Variants in CNTN5 observed in about 807,000 individuals in gnomAD.
The protein encoded by CNTN5 is contactin-5.
CNTN5 carries 77 observed loss-of-function variants against 129.1 expected under a neutral mutation model. The ratio of observed to expected loss-of-function variants is 0.60; its 90% CI spans 0.50 to 0.72. CNTN5 has a LOEUF of 0.72. Among genes scored for constraint, CNTN5 ranks in the 30% least tolerant of loss-of-function variants. The probability of loss-of-function intolerance (pLI) is 0.00; values close to 1 mark genes in which losing one functional copy is unlikely to be tolerated. For missense variants in CNTN5, 1,478 were observed against 1,328.8 expected, an observed-to-expected ratio of 1.11 and a Z score of -1.75; for synonymous variants, 509 against 465.6, an observed-to-expected ratio of 1.09 and a Z score of -1.20.
At chr11:100,003,303 G>A (rs1049702369) in intron 9 of CNTN5, among the ~76,000 whole-genome samples, 1 of 152,128 alleles carries the variant, frequency 6.6e-6, no homozygotes, top group African/African-American at 2.4e-5. Context: ...GCAGATATCT[G>A]AGGAAGCCTC....
At chr11:99,313,759 A>G (rs1334347958) in intron 1 of CNTN5, among the ~76,000 whole-genome samples, 1 of 152,108 alleles carries the variant, frequency 6.6e-6, no homozygotes, top group Non-Finnish European at 1.5e-5. Flanking sequence ...CTGTGTCTAT[A>G]ATAATCAAAA....
intron 9 of CNTN5, among the ~76,000 whole-genome samples, chr11:100,037,611 C>T (rs1202272159): frequency 1.3e-5 from 2 of 151,986 alleles, no homozygotes; most frequent in African/African-American, 4.8e-5. Flanking sequence ...ACTCTTTTTG[C>T]TTGGTAAACT....
chr11:99,046,246 C>T (rs1864202035), intron 1 of CNTN5, among the ~76,000 whole-genome samples: 1 of 151,868 alleles, frequency 6.6e-6, no homozygotes, highest in South Asian at 2.1e-4. Context: ...AGGCTGATGC[C>T]TGAGAATCGC....
rs968979482 is a variant in CNTN5 at position 99,580,464 on chromosome 11, CT to C, written c.55+24202del. 3.3e-5 allele frequency among the ~76,000 whole-genome samples: 5 copies of C among 152,024 alleles called. 1 individual carries two copies. The highest frequency in any genetic ancestry group is 2.6e-4 in the Admixed American group (4 of 15,262). On this transcript the variant is annotated intron_variant, in intron 3 of 24. Coordinates refer to ENST00000524871, the MANE Select transcript of CNTN5 (RefSeq NM_014361.4). ...GACTGTGAATCCATCTGGTCCTGGACTTTTTTTGGTTGGTAATCTATTAATT... is the reference window on the plus strand; with the variant it reads ...GACTGTGAATCCATCTGGTCCTGGACTTTTTTGGTTGGTAATCTATTAATT...
chr11:99,740,030 C>T (rs1943839567), intron 3 of CNTN5, among the ~76,000 whole-genome samples: 1 of 147,992 alleles, frequency 6.8e-6, no homozygotes, highest in South Asian at 2.2e-4. Context: ...TCTTCGATCT[C>T]AAAACATTAT....
At chr11:100,048,289 A>G (rs1942791200) in intron 9 of CNTN5, among the ~76,000 whole-genome samples, 1 of 133,174 alleles carries the variant, frequency 7.5e-6, no homozygotes, top group Non-Finnish European at 1.6e-5. Flanking sequence ...AACTTCAAAT[A>G]AAGTTACATC....
At chr11:99,470,982 A>G (rs1300731358) in intron 2 of CNTN5, among the ~76,000 whole-genome samples, 1 of 152,064 alleles carries the variant, frequency 6.6e-6, no homozygotes, top group East Asian at 1.9e-4. Flanking sequence ...CATCCCCAAA[A>G]TAACTGTCAT....
At chr11:99,529,000 G>A (rs1250216662) in intron 2 of CNTN5, among the ~76,000 whole-genome samples, 1 of 152,146 alleles carries the variant, frequency 6.6e-6, no homozygotes, top group East Asian at 1.9e-4. Context: ...GCTTGAACCT[G>A]GGAGGCAGAG....
At chr11:99,467,274 A>C (rs1330981934) in intron 2 of CNTN5, among the ~76,000 whole-genome samples, 1 of 152,000 alleles carries the variant, frequency 6.6e-6, no homozygotes. Context: ...TTACCTGTTA[A>C]AATGTGATGA....
chr11:99,858,052 A>G (rs993482466), intron 6 of CNTN5, among the ~76,000 whole-genome samples: 63 of 152,266 alleles, frequency 4.1e-4, no homozygotes, highest in African/African-American at 1.5e-3. Context: ...CAGCAAAAAA[A>G]AAGTTACCTC....
chr11:99,812,729 T>G (rs767061083), intron 3 of CNTN5, among the ~76,000 whole-genome samples: 11 of 152,094 alleles, frequency 7.2e-5, no homozygotes, highest in Admixed American at 7.2e-4. Context: ...AGAGCTAATC[T>G]CACCCAAAAA....
At chr11:99,784,975 A>G (rs940164818) in intron 3 of CNTN5, among the ~76,000 whole-genome samples, 1 of 151,360 alleles carries the variant, frequency 6.6e-6, no homozygotes, top group Non-Finnish European at 1.5e-5. Flanking sequence ...AATTTTTTGT[A>G]TTTTTAGTAG....
intron 16 of CNTN5, among the ~76,000 whole-genome samples, chr11:100,240,219 A>ACCCCCCCCCCCCCCCCCCCC (rs1468030423): frequency 6.7e-6 from 1 of 149,702 alleles, no homozygotes; most frequent in African/African-American, 2.5e-5. Flanking sequence ...AATTATCAAC[A>ACCCCCCCCCCCCCCCCCCCC]CCCCGCCCCA....
At chr11:99,702,300 A>G (rs919719653) in intron 3 of CNTN5, among the ~76,000 whole-genome samples, 1 of 150,982 alleles carries the variant, frequency 6.6e-6, no homozygotes, top group Non-Finnish European at 1.5e-5. Context: ...AAAAATTTGG[A>G]CATATGAAGT....
intron 3 of CNTN5, among the ~76,000 whole-genome samples, chr11:99,679,290 A>G (rs907477638): frequency 6.6e-6 from 1 of 151,404 alleles, no homozygotes; most frequent in Admixed American, 6.6e-5. Context: ...GCCTCATTTT[A>G]TCGCACTCTG....
intron 3 of CNTN5, among the ~76,000 whole-genome samples, chr11:99,582,628 G>A (rs1488474256): frequency 6.6e-6 from 1 of 152,074 alleles, no homozygotes; most frequent in South Asian, 2.1e-4. Context: ...CGGTTACTGA[G>A]GCTTGTGCAT....
intron 4 of CNTN5, among the ~76,000 whole-genome samples, chr11:99,836,386 T>C (rs1165673851): frequency 2.0e-5 from 3 of 148,782 alleles, no homozygotes; most frequent in Non-Finnish European, 1.5e-5. Flanking sequence ...AGTGAGAACA[T>C]GCGGTGTTTG....
intron 1 of CNTN5, among the ~76,000 whole-genome samples, chr11:99,245,868 A>T (rs1861789312): frequency 6.6e-6 from 1 of 152,160 alleles, no homozygotes; most frequent in Admixed American, 6.6e-5. Context: ...ACTAGATGAC[A>T]GTAGCGTCCC....
intron 3 of CNTN5, among the ~76,000 whole-genome samples, chr11:99,758,152 T>A (rs1051182291): frequency 6.6e-6 from 1 of 152,054 alleles, no homozygotes; most frequent in African/African-American, 2.4e-5. Flanking sequence ...TCTTTCTGAG[T>A]ATTATGCAGA....
Sources: gnomAD v4.1 joint callset for allele counts (sites outside exome capture counted in the v4.1 genomes callset) on GRCh38, gnomAD v4.1.1 for gene constraint, MANE v1.5 for transcripts, NCBI Gene and HGNC (gene_info 2026-07-23, HGNC 2026-07-21) for gene names.